NOMO3: variants seen among roughly 807,000 people sequenced by gnomAD.
NOMO3 encodes the protein NODAL modulator 3.
NOMO3 carries 15 observed loss-of-function variants against 69.9 expected under a neutral mutation model. The ratio of observed to expected loss-of-function variants is 0.21; its 90% CI spans 0.14 to 0.33. NOMO3 has a LOEUF of 0.33. Ranked by LOEUF, NOMO3 falls within the 10% of genes least tolerant of loss-of-function variation. The pLI, the probability that NOMO3 is intolerant of heterozygous loss-of-function variation, is 1.00. For missense variants in NOMO3, 218 were observed against 761.0 expected (o/e 0.29, Z 8.39); for synonymous variants, 89 against 301.9 (o/e 0.29, Z 7.31).
At chr16:16,257,750 C>A (rs2141256121) in intron 11 of NOMO3, among the ~76,000 whole-genome samples, 1 of 143,640 alleles carries the variant, frequency 7.0e-6, no homozygotes, top group Non-Finnish European at 1.5e-5. Flanking sequence ...TGAACACAGT[C>A]CCCTGGCTTG....
At chr16:16,258,850 G>T (rs1271779980) in intron 11 of NOMO3, among the ~76,000 whole-genome samples, 1 of 141,684 alleles carries the variant, frequency 7.1e-6, no homozygotes, top group Admixed American at 6.8e-5. Context: ...GGGCGACAGG[G>T]TGAGATTCCG....
chr16:16,236,023 A>G, intron 1 of NOMO3: 1 of 277,352 alleles, frequency 3.6e-6, no homozygotes, highest in Non-Finnish European at 7.1e-6. Flanking sequence ...CTCAGAATGT[A>G]AGAGTTTTAG....
rs2049568013 is a variant in NOMO3 at position 16,261,716 on chromosome 16, AAGC to A, written c.1395+43_1395+45del. 2.7e-6 allele frequency: 4 copies of A among 1,492,664 alleles called. 1 individual carries two copies. Among genetic ancestry groups the A allele is most frequent in the Non-Finnish European group, 2.6e-6 (3 of 1,133,784 alleles). The allele number at this position is 1,492,664 out of a possible 1,614,324, so 92.5% of individuals were successfully genotyped here. A position where few individuals can be genotyped will look rare whatever the true frequency, so the allele number is the denominator to read the frequency against. On this transcript the variant is annotated intron_variant, in intron 12 of 30. Coordinates refer to ENST00000399336, the MANE Select transcript of NOMO3 (RefSeq NM_001004067.4). ...TTTAAATTTAAAATGTTTTGAGAAA[AAGC>A]AGTGATTTTTAGAAGGGTTATTAGG...
At chr16:16,265,666 ATATATTTTTT>A (rs1271898720) in intron 15 of NOMO3, among the ~76,000 whole-genome samples, 1 of 32,644 alleles carries the variant, frequency 3.1e-5, no homozygotes, top group African/African-American at 1.5e-4. Context: ...ATATATATAT[ATATATTTTTT>A]TTTTTTTTTT....
chr16:16,269,030 G>A (rs1240393235), intron 16 of NOMO3, among the ~76,000 whole-genome samples: 3 of 140,306 alleles, frequency 2.1e-5, no homozygotes, highest in African/African-American at 9.2e-5. Context: ...TGTTCTCAAG[G>A]CAGGAAGGAT....
At chr16:16,250,275 G>A (rs967042510) in intron 6 of NOMO3, among the ~76,000 whole-genome samples, 2 of 143,002 alleles carry the variant, frequency 1.4e-5, no homozygotes, top group African/African-American at 5.7e-5. Flanking sequence ...TAAGGAGGCA[G>A]CTTTAGGCTA....
At chr16:16,265,308 C>T (rs1231904280) in intron 15 of NOMO3, 129 bp downstream of exon 15, 8 of 1,558,872 alleles carry the variant, frequency 5.1e-6, no homozygotes, top group Non-Finnish European at 6.9e-6. Context: ...TGCACTCACC[C>T]ACCTGTTACG....
In NOMO3 at chr16:16,237,392, A is replaced by G. The variant is rs1291427928; in HGVS notation, c.255+402A>G. On this transcript the variant is annotated intron_variant, in intron 2 of 30. Transcript: ENST00000399336. ...GCAAGCAGCTTAAAGTATTGTTAAA[A>G]AAATTGTACAAGTAATACATGAATT... Among the ~76,000 whole-genome samples, 5 of 144,868 alleles carry G rather than the reference A, an allele frequency of 3.5e-5. 2 individuals carry two copies. The East Asian group carries it at 1.1e-3, about 32-fold the overall frequency.
At chr16:16,236,568 G>A (rs2049328775) in intron 1 of NOMO3, among the ~76,000 whole-genome samples, 1 of 144,704 alleles carries the variant, frequency 6.9e-6, no homozygotes, top group South Asian at 2.2e-4. Context: ...ATGTTAATAA[G>A]CACCTTACTA....
At position 16,263,057 on chromosome 16, in the gene NOMO3, C is replaced by G. The variant is rs2049577596; in HGVS notation, c.1396-17C>G. 6.3e-7 allele frequency: 1 copy of G among 1,594,422 alleles called. No individual in the cohort carries two copies. Among genetic ancestry groups the G allele is most frequent in the Non-Finnish European group, 8.5e-7 (1 of 1,177,640 alleles). ...TCCCCGAATGCAGCCTCTAACGTTC[C>G]ATCCACGTTTCCGCAGGTGATGGTT... On this transcript the variant is annotated splice_polypyrimidine_tract_variant and intron_variant, in intron 12 of 30. Coordinates refer to ENST00000399336, the MANE Select transcript of NOMO3 (RefSeq NM_001004067.4).
intron 2 of NOMO3, among the ~76,000 whole-genome samples, chr16:16,238,916 A>G (rs1372733910): frequency 1.5e-5 from 2 of 133,468 alleles, no homozygotes; most frequent in Non-Finnish European, 3.1e-5. Flanking sequence ...CGTCTCTACT[A>G]AAATACAAAA....
intron 4 of NOMO3, among the ~76,000 whole-genome samples, chr16:16,243,767 C>T (rs1480811674): frequency 8.5e-5 from 12 of 141,250 alleles, no homozygotes; most frequent in East Asian, 2.3e-4. Context: ...TCAGGTGATC[C>T]GCCTGCCTCC....
intron 9 of NOMO3, among the ~76,000 whole-genome samples, chr16:16,253,267 CAG>C (rs1184814057): frequency 7.1e-6 from 1 of 140,672 alleles, no homozygotes; most frequent in African/African-American, 3.1e-5. Context: ...AGGGTGGAGA[CAG>C]GGGTTGCAGT....
intron 16 of NOMO3, among the ~76,000 whole-genome samples, chr16:16,269,515 A>G (rs1023521056): frequency 1.5e-5 from 2 of 137,334 alleles, no homozygotes; most frequent in Non-Finnish European, 3.0e-5. Context: ...AGCTAATTTC[A>G]GGTTTTTGTA....
In NOMO3 at chr16:16,240,457, G is replaced by C. The variant is rs878902634; in HGVS notation, c.301+561G>C. On this transcript the variant is annotated intron_variant, in intron 3 of 30. Coordinates refer to ENST00000399336, the MANE Select transcript of NOMO3 (RefSeq NM_001004067.4). ...GTCCCTGCCCCACTGGGTACTTGGAGGATTAATAAACCAATACTGAGTGTT... is the reference window on the plus strand; with the variant it reads ...GTCCCTGCCCCACTGGGTACTTGGACGATTAATAAACCAATACTGAGTGTT... 2.0e-4 allele frequency among the ~76,000 whole-genome samples: 29 copies of C among 145,566 alleles called. No homozygotes were observed. The East Asian group carries it at 2.5e-3, about 12-fold the overall frequency.
intron 15 of NOMO3, among the ~76,000 whole-genome samples, chr16:16,265,668 A>ATTT (rs1462635090): frequency 0.019 from 466 of 24,834 alleles, 2 homozygotes; most frequent in East Asian, 0.034. Flanking sequence ...ATATATATAT[A>ATTT]TATTTTTTTT....
At chr16:16,240,664 G>A (rs2141247469) in intron 3 of NOMO3, among the ~76,000 whole-genome samples, 1 of 144,294 alleles carries the variant, frequency 6.9e-6, no homozygotes, top group South Asian at 2.2e-4. Context: ...TTTTGAAGAG[G>A]AGAGACTCTT....
chr16:16,259,173 G>A (rs1363094850), intron 11 of NOMO3, among the ~76,000 whole-genome samples: 1 of 143,576 alleles, frequency 7.0e-6, no homozygotes, highest in Non-Finnish European at 1.5e-5. Context: ...AGATGGAGGC[G>A]GTGCTGTTCA....
intron 4 of NOMO3, among the ~76,000 whole-genome samples, chr16:16,243,463 T>C (rs1380473386): frequency 7.0e-6 from 1 of 143,804 alleles, no homozygotes; most frequent in Non-Finnish European, 1.5e-5. Flanking sequence ...TTGAGGTTGC[T>C]GGTCATCCCC....
Sources: gnomAD v4.1 joint callset for allele counts (sites outside exome capture counted in the v4.1 genomes callset) on GRCh38, gnomAD v4.1.1 for gene constraint, MANE v1.5 for transcripts, NCBI Gene and HGNC (gene_info 2026-07-23, HGNC 2026-07-21) for gene names.